Variants in KIFC3 observed in about 807,000 individuals in gnomAD.
The protein encoded by KIFC3 is kinesin-like protein KIFC3.
In KIFC3, 60 loss-of-function variants were observed where a neutral mutation model predicts 101.8. The observed-to-expected ratio is 0.59, with a 90% CI of 0.48 to 0.73. The LOEUF (loss-of-function observed/expected upper bound fraction) is 0.73. KIFC3 is among the 30% of genes least tolerant of loss of function. KIFC3 has a pLI of 0.00. For missense variants in KIFC3, 966 were observed against 1,137.1 expected, an observed-to-expected ratio of 0.85 and a Z score of 2.16; for synonymous variants, 476 against 482.7, an observed-to-expected ratio of 0.99 and a Z score of 0.18.
intron 1 of KIFC3, among the ~76,000 whole-genome samples, chr16:57,833,025 T>G (rs1304535552): frequency 3.3e-5 from 5 of 151,908 alleles, no homozygotes; most frequent in African/African-American, 1.2e-4. Context: ...CTGGCCAACA[T>G]GGAAACCCCA....
Position 57,769,545 on chromosome 16 carries a change from C to A in KIFC3, c.1218+50G>T. The stretch of plus-strand genomic sequence containing the variant: ...CGCCCTGAGTGGATGTCGTGCCTCT[C>A]CCAGTGCACCCCCTTAGCCTGGACC... On this transcript the variant is annotated intron_variant, in intron 9 of 19. Transcript: ENST00000445690. This position sits in a 1 kb window ranked among gnomAD's most constrained non-coding sequence, Gnocchi z 4.3. 6.4e-7 allele frequency: 1 copy of A among 1,566,452 alleles called. No homozygotes were observed. The highest frequency in any genetic ancestry group is 8.6e-7 in the Non-Finnish European group (1 of 1,157,010).
chr16:57,836,050 T>A (rs1455227289), intron 1 of KIFC3, among the ~76,000 whole-genome samples: 2 of 152,134 alleles, frequency 1.3e-5, no homozygotes, highest in Non-Finnish European at 2.9e-5. Context: ...GGAAACCCAG[T>A]CGCCAGCCTG....
intron 1 of KIFC3, among the ~76,000 whole-genome samples, chr16:57,858,553 TG>T (rs746269047): frequency 1.3e-5 from 2 of 152,202 alleles, no homozygotes; most frequent in Non-Finnish European, 2.9e-5. Flanking sequence ...TCTGGAGTTC[TG>T]CTCCAGGTGT....
intron 2 of KIFC3, among the ~76,000 whole-genome samples, chr16:57,797,330 C>T (rs1447651436): frequency 2.0e-5 from 3 of 152,230 alleles, no homozygotes; most frequent in Admixed American, 2.0e-4. Flanking sequence ...CTCTCTCCCC[C>T]ACACTACCAG....
chr16:57,850,086 C>A (rs1463599546), intron 1 of KIFC3, among the ~76,000 whole-genome samples: 1 of 151,074 alleles, frequency 6.6e-6, no homozygotes, highest in Admixed American at 6.6e-5. Flanking sequence ...AGAGCAAGAC[C>A]CTTTCTCTAA....
Position 57,764,262 on chromosome 16 carries a change from GGA to G in KIFC3, c.1513-17_1513-16del. The G allele has an allele frequency of 1.3e-6, 2 of 1,509,420 alleles. No individual in the cohort carries two copies. The highest frequency in any genetic ancestry group is 1.2e-5 in the South Asian group (1 of 85,828). 93.5% of individuals were successfully genotyped at this position (1,509,420 alleles called of 1,614,324 possible). A position where few individuals can be genotyped will look rare whatever the true frequency, so the allele number is the denominator to read the frequency against. ...TCCTGGAACACCTGGGAGGGTGGTG[GGA>G]GGGAGGCTGGTGGGGGGGCTTCCAG... On this transcript the variant is annotated splice_polypyrimidine_tract_variant and intron_variant, in intron 11 of 19. Coordinates refer to ENST00000445690, the MANE Select transcript of KIFC3 (RefSeq NM_001130100.2).
At chr16:57,834,706 C>T (rs1287765226) in intron 1 of KIFC3, among the ~76,000 whole-genome samples, 3 of 152,030 alleles carry the variant, frequency 2.0e-5, no homozygotes, top group South Asian at 2.1e-4. Context: ...TTGTAGAGAC[C>T]GGGTCTCACT....
chr16:57,761,128 T>A lies in KIFC3; in HGVS notation c.1916A>T (p.Asn639Ile). 6.2e-7 allele frequency: 1 copy of A among 1,613,996 alleles called. No individual in the cohort carries two copies. The part of the protein sequence containing the change: ...GHTNRTTEFT[N>I]LNEHSSRSHA... ...CGAGCGGGAGCTGTGCTCGTTCAGG[T>A]TGGTGAACTCGGTCGTGCGATTAGT... Residue 639 changes from asparagine (N) to isoleucine (I), a missense_variant, in exon 15 of 20, where the codon AAC (asparagine) becomes ATC (isoleucine). Transcript: ENST00000445690.
intron 16 of KIFC3, 59 bp from the exon 17 acceptor site, chr16:57,760,475 G>T (rs1470879620): frequency 8.2e-6 from 13 of 1,581,180 alleles, no homozygotes; most frequent in Non-Finnish European, 1.1e-5. Context: ...ACAGGGTCAC[G>T]AGAGGGAGCT....
At chr16:57,827,202 T>G (rs2055477344) in intron 1 of KIFC3, among the ~76,000 whole-genome samples, 1 of 152,204 alleles carries the variant, frequency 6.6e-6, no homozygotes, top group Non-Finnish European at 1.5e-5. Context: ...GTGAACAGCC[T>G]GTGGCTGGTG....
At chr16:57,782,509 C>T in intron 3 of KIFC3, 1 of 152,368 alleles carries the variant, frequency 6.6e-6, no homozygotes. Context: ...ATAAGTAGTG[C>T]CAAAGTCAGG....
chr16:57,768,509 T>TCTCTCACACACACACACA (rs147198668), intron 9 of KIFC3, among the ~76,000 whole-genome samples: 1 of 139,030 alleles, frequency 7.2e-6, no homozygotes, highest in African/African-American at 2.8e-5. Flanking sequence ...CCATATATTC[T>TCTCTCACACACACACACA]CACACACACA....
chr16:57,849,336 T>C (rs978806450), intron 1 of KIFC3, among the ~76,000 whole-genome samples: 11 of 152,316 alleles, frequency 7.2e-5, no homozygotes, highest in Admixed American at 6.5e-5. Flanking sequence ...ATAAATTACC[T>C]TGTAGATAAT....
rs138262272 is a variant in KIFC3 at position 57,787,399 on chromosome 16, G to T, written c.315+7600C>A. On this transcript the variant is annotated intron_variant, in intron 3 of 19. Coordinates refer to ENST00000445690, the MANE Select transcript of KIFC3 (RefSeq NM_001130100.2). ...GGTCTCGGAGAGCCCAGCTCATCCA[G>T]AACACTGCTCACGCCACGGGATGTC... Among the ~76,000 whole-genome samples, 128 of 152,370 alleles carry T rather than the reference G, an allele frequency of 8.4e-4. 1 individual carries two copies. The highest frequency in any genetic ancestry group is 3.0e-3 in the African/African-American group (125 of 41,598).
At chr16:57,855,128 T>C (rs1402417937) in intron 1 of KIFC3, among the ~76,000 whole-genome samples, 4 of 149,494 alleles carry the variant, frequency 2.7e-5, no homozygotes, top group African/African-American at 4.9e-5. Flanking sequence ...TCTTTTTTTT[T>C]TTTTTTTTTT....
intron 2 of KIFC3, among the ~76,000 whole-genome samples, chr16:57,795,700 C>T (rs1292115219): frequency 6.6e-6 from 1 of 152,044 alleles, no homozygotes; most frequent in African/African-American, 2.4e-5. Context: ...CGGGCTGTGG[C>T]AGCAATGCCC....
chr16:57,850,312 AG>A (rs2056022448), intron 1 of KIFC3, among the ~76,000 whole-genome samples: 1 of 150,082 alleles, frequency 6.7e-6, no homozygotes, highest in Admixed American at 6.6e-5. Context: ...CTGAGACAGG[AG>A]GATTGCTTGA....
At chr16:57,853,307 T>C (rs1382911765) in intron 1 of KIFC3, among the ~76,000 whole-genome samples, 5 of 151,958 alleles carry the variant, frequency 3.3e-5, no homozygotes, top group African/African-American at 1.2e-4. Flanking sequence ...TAGTCCCAGC[T>C]ACCTGGACGG....
intron 3 of KIFC3, among the ~76,000 whole-genome samples, chr16:57,780,986 T>C (rs573479448): frequency 1.1e-4 from 16 of 151,710 alleles, no homozygotes; most frequent in Admixed American, 3.3e-4. Context: ...GAAAACAATT[T>C]TTTAAGGTTC....
Sources: gnomAD v4.1 joint callset for allele counts (sites outside exome capture counted in the v4.1 genomes callset) on GRCh38, gnomAD v4.1.1 for gene constraint, Gnocchi (gnomAD v3.1) non-coding constraint, MANE v1.5 for transcripts, NCBI Gene and HGNC (gene_info 2026-07-23, HGNC 2026-07-21) for gene names.